The following NEB variants were observed in gnomAD, a reference collection of about 807,000 sequenced individuals.
NEB encodes nebulin.
A neutral mutation model predicts 952.2 loss-of-function variants in NEB; 512 were observed. The observed-to-expected ratio is 0.54, with a 90% confidence interval of 0.50 to 0.58. The LOEUF is 0.58. Among genes scored for constraint, NEB ranks in the 20% least tolerant of loss-of-function variants. NEB has a pLI of 0.00. For synonymous variants in NEB, 2,900 were observed against 3,149.8 expected (o/e 0.92, Z 2.66); for missense variants, 8,428 against 9,231.1 (o/e 0.91, Z 3.56).
intron 72 of NEB, among the ~76,000 whole-genome samples, chr2:151,620,532 A>T (rs947384349): frequency 1.3e-5 from 2 of 151,872 alleles, no homozygotes; most frequent in African/African-American, 4.8e-5. Context: ...ACATAGAAAG[A>T]AGACTTTGTC....
chr2:151,638,332 C>A (rs1350351633), intron 63 of NEB, among the ~76,000 whole-genome samples: 2 of 152,186 alleles, frequency 1.3e-5, no homozygotes, highest in African/African-American at 4.8e-5. Context: ...ATTCCCCACT[C>A]ATAGTATTTT....
chr2:151,538,404 C>G (rs2093548566), intron 138 of NEB, among the ~76,000 whole-genome samples, 160 bp from the exon 139 acceptor site: 2 of 152,064 alleles, frequency 1.3e-5, no homozygotes, highest in Non-Finnish European at 2.9e-5. Context: ...AAAAAGAACA[C>G]TAGGGAAAAC....
chr2:151,697,499 A>C (rs1340938131), intron 14 of NEB, 42 bp from the exon 15 acceptor site: 1 of 1,606,408 alleles, frequency 6.2e-7, no homozygotes, highest in South Asian at 1.1e-5. Context: ...TGGTGAAATA[A>C]TGGGTTCTTT....
chr2:151,494,330 A>C, intron 173 of NEB, 77 bp from the exon 174 acceptor site: 1 of 984,818 alleles, frequency 1.0e-6, no homozygotes, highest in East Asian at 2.6e-5. Context: ...TGGTACAGAT[A>C]ACTTTTGATT....
At position 151,631,197 on chromosome 2, in the gene NEB, C is replaced by A. The variant is rs769658110; in HGVS notation, c.9564G>T (p.Val3188=). The change falls in exon 66 of 182, where the codon GTG becomes GTT. Residue 3188 remains valine (V), a synonymous_variant. Coordinates refer to ENST00000397345, the MANE Select transcript of NEB (RefSeq NM_001164508.2). ...QPPDKLKFTS[V]TDSLEQVLAK... is the part of the protein sequence containing the mutation. ...CCAGCACCTGCTCTAGAGAATCAGT[C>A]ACACTGGTAAATTTCAGCTTGTCCG... 53 of 1,613,800 alleles carry A rather than the reference C, an allele frequency of 3.3e-5. No homozygotes were observed. The Admixed American group carries it at 8.2e-4, about 25-fold the overall frequency.
At chr2:151,551,653 G>GT in intron 129 of NEB, 85 bp downstream of exon 129, 3 of 1,025,244 alleles carry the variant, frequency 2.9e-6, no homozygotes, top group Non-Finnish European at 4.5e-6. Flanking sequence ...ACAAGGTCAG[G>GT]TCAAGAGGAA....
intron 34 of NEB, 49 bp from the exon 35 acceptor site, chr2:151,675,440 T>C: frequency 1.5e-6 from 2 of 1,292,970 alleles, no homozygotes; most frequent in Non-Finnish European, 1.1e-6. Context: ...ATCTATTAAT[T>C]GTTTGCTTTA....
chr2:151,692,070 G>C lies in NEB; in HGVS notation c.2095C>G (p.Gln699Glu), dbSNP rs2099555780. 1 of 1,613,722 alleles carries C rather than the reference G, an allele frequency of 6.2e-7. No homozygotes were observed. Among genetic ancestry groups the C allele is most frequent in the Non-Finnish European group, 8.5e-7 (1 of 1,179,796 alleles). The part of the protein sequence containing the change: ...YHTHCMKVAA[Q>E]NSDKSYKAEY... ...GTCTTCAAACTTACATCACTGTTTT[G>C]AGCTGCAACTTTCATGCAGTGTGTG... Residue 699 changes from glutamine to glutamate, a missense_variant, in exon 22 of 182, where the codon CAA becomes GAA. Physicochemically the swap from Gln to Glu is conservative, Grantham distance 29. Transcript: ENST00000397345.
At position 151,570,278 on chromosome 2, in the gene NEB, G is replaced by T. The variant is rs1427371913; in HGVS notation, c.17233C>A (p.Arg5745=). 1 of 1,613,642 alleles carries T rather than the reference G, an allele frequency of 6.2e-7. No individual in the cohort carries two copies. The highest frequency in any genetic ancestry group is 1.1e-5 in the South Asian group (1 of 91,040). The change falls in exon 109 of 182, where the codon CGA becomes AGA. Residue 5745 remains arginine (R), a synonymous_variant. Coordinates refer to ENST00000397345, the MANE Select transcript of NEB (RefSeq NM_001164508.2). ...ALIADKLQNE[R]EYRLDWAKWK... is the part of the protein sequence containing the mutation. Reference sequence around the variant, plus strand: ...TTGGCCCAGTCCAGCCGGTACTCTCGTTCATTCTGGAGCTTGTCAGCTATG... The same window carrying T: ...TTGGCCCAGTCCAGCCGGTACTCTCTTTCATTCTGGAGCTTGTCAGCTATG...
intron 162 of NEB, chr2:151,507,234 T>C (rs141134755): frequency 1.2e-4 from 58 of 465,672 alleles, no homozygotes; most frequent in East Asian, 5.3e-4. Flanking sequence ...TTTGTTTAAG[T>C]ATCCCTTGCT....
In NEB at chr2:151,506,424, C is replaced by T. The variant is rs571984726; in HGVS notation, c.23557-166G>A. The T allele has an allele frequency of 6.1e-4, 364 of 601,508 alleles. 2 individuals carry two copies. The African/African-American group carries it at 6.2e-3, about 10-fold the overall frequency. The allele number at this position is 601,508 out of a possible 1,614,324, so 37.3% of individuals were successfully genotyped here. A position where few individuals can be genotyped will look rare whatever the true frequency, so the allele number is the denominator to read the frequency against. ...GACATTTCCATGTCAGTATCAGTGA[C>T]TCAGACCAGTTATACAACATGGATC... On this transcript the variant is annotated intron_variant, in intron 163 of 181. Coordinates refer to ENST00000397345, the MANE Select transcript of NEB (RefSeq NM_001164508.2).
chr2:151,614,207 A>C (rs1215103363), intron 77 of NEB, 69 bp downstream of exon 77: 2 of 1,551,220 alleles, frequency 1.3e-6, no homozygotes, highest in African/African-American at 2.7e-5. Flanking sequence ...GACTGTGGAA[A>C]GATTCCATGG....
At position 151,625,548 on chromosome 2, in the gene NEB, T is replaced by C; in HGVS notation, c.10438A>G (p.Ile3480Val). 6.3e-7 allele frequency: 1 copy of C among 1,597,164 alleles called. No homozygotes were observed. Among genetic ancestry groups the C allele is most frequent in the Non-Finnish European group, 8.6e-7 (1 of 1,167,362 alleles). ...AATGATCTTACCTCACTATAATTTA[T>C]TTTATTTTGTCTTGCCAACATGATT... ...PEIMLARQNK[I>V]NYSESLYRQA... Residue 3480 changes from isoleucine (I) to valine (V), a missense_variant, in exon 71 of 182, where the codon ATA becomes GTA. Physicochemically the swap from Ile to Val is conservative, Grantham distance 29. Around this residue, in one of 11 missense-constraint regions of NEB, gnomAD observed 1,772 missense variants for 1,960.3 expected, o/e 0.90. Coordinates refer to ENST00000397345, the MANE Select transcript of NEB (RefSeq NM_001164508.2).
At chr2:151,678,574 TTTAA>T (rs2099390955) in intron 32 of NEB, among the ~76,000 whole-genome samples, 1 of 152,222 alleles carries the variant, frequency 6.6e-6, no homozygotes, top group Non-Finnish European at 1.5e-5. Context: ...TAGCTGGATA[TTTAA>T]TTAGTTTTAG....
At chr2:151,702,204 A>G (rs1267065742) in intron 13 of NEB, among the ~76,000 whole-genome samples, 2 of 150,420 alleles carry the variant, frequency 1.3e-5, no homozygotes, top group South Asian at 2.1e-4. Context: ...CCTGAGTTCT[A>G]GTTTGATTGC....
At chr2:151,696,526 A>G in intron 17 of NEB, 111 bp downstream of exon 17, 1 of 795,894 alleles carries the variant, frequency 1.3e-6, no homozygotes, top group Non-Finnish European at 2.1e-6. Context: ...TAAACTTGCT[A>G]ATACTTACTT....
At position 151,499,332 on chromosome 2, in the gene NEB, T is replaced by A; in HGVS notation, c.24080A>T (p.Glu8027Val). ...GIPIPITPEMERVKHNQENFS... is the reference protein window; with the variant it reads ...GIPIPITPEMVRVKHNQENFS... ...GTTTTCTTGATTGTGTTTGACTCTC[T>A]CCATCTCTGGAGTGATGGGGATTGG... Residue 8027 changes from glutamate (E) to valine (V), a missense_variant, in exon 169 of 182, where the codon GAG becomes GTG. Coordinates refer to ENST00000397345, the MANE Select transcript of NEB (RefSeq NM_001164508.2). 1 of 1,541,742 alleles carries A rather than the reference T, an allele frequency of 6.5e-7. No individual in the cohort carries two copies. The highest frequency in any genetic ancestry group is 8.8e-7 in the Non-Finnish European group (1 of 1,140,688).
chr2:151,667,445 T>TG (rs1401161288), intron 40 of NEB, among the ~76,000 whole-genome samples: 5 of 152,252 alleles, frequency 3.3e-5, no homozygotes, highest in African/African-American at 1.2e-4. Flanking sequence ...ATAACGTAAT[T>TG]GGCAATTAGG....
rs1367538531 is a variant in NEB, at chr2:151,540,430, A to G, written c.20806T>C (p.Tyr6936His). The change falls in exon 138 of 182, where the codon TAT (tyrosine) becomes CAT (histidine). Residue 6936 changes from tyrosine to histidine, a missense_variant. Physicochemically the swap from Tyr to His is moderately conservative, Grantham distance 83. Transcript: ENST00000397345. The part of the protein sequence containing the change: ...MVSEKKYKIQ[Y>H]EKMKDKYTPV... ...GTGTACTTGTCTTTCATCTTTTCAT[A>G]TTGAATCTTGTACTTTTTCTGAGAA... The G allele has an allele frequency of 6.4e-7, 1 of 1,567,110 alleles. No homozygotes were observed. The highest frequency in any genetic ancestry group is 8.7e-7 in the Non-Finnish European group (1 of 1,153,736).
Sources: allele counts gnomAD v4.1 joint callset (sites outside exome capture counted in the v4.1 genomes callset), GRCh38; gene constraint gnomAD v4.1.1; regional missense constraint gnomAD v4.1.1; transcripts MANE v1.5; gene names NCBI Gene and HGNC (gene_info 2026-07-23, HGNC 2026-07-21).